UNC5D: variants seen among roughly 807,000 people sequenced by gnomAD.
The protein encoded by UNC5D is unc-5 netrin receptor D, also known as netrin receptor UNC5D.
A neutral mutation model predicts 105.4 loss-of-function variants in UNC5D; 39 were observed. That is an observed-to-expected ratio of 0.37 (90% CI 0.29 to 0.48). UNC5D has a LOEUF of 0.48. UNC5D is among the 20% of genes least tolerant of loss of function. The pLI is 0.98. For missense variants in UNC5D, 991 were observed against 1,202.4 expected, an observed-to-expected ratio of 0.82 and a Z score of 2.60; for synonymous variants, 452 against 450.4, an observed-to-expected ratio of 1.00 and a Z score of -0.04.
rs146967821 is a variant in UNC5D at position 35,255,560 on chromosome 8, G to T, written c.103+19673G>T. 95 of 152,140 alleles carry T rather than the reference G, an allele frequency of 6.2e-4. 1 individual carries two copies. The highest frequency in any genetic ancestry group is 2.2e-3 in the African/African-American group (90 of 41,506). The allele number at this position is 152,140 out of a possible 1,614,324, so 9.4% of individuals were successfully genotyped here. A position where few individuals can be genotyped will look rare whatever the true frequency, so the allele number is the denominator to read the frequency against. ...ATCTCCCAAAACAACTGAGAAGGCTGGTTTTTCTACTCCTGGTATGCTACC... is the reference window on the plus strand; with the variant it reads ...ATCTCCCAAAACAACTGAGAAGGCTTGTTTTTCTACTCCTGGTATGCTACC... On this transcript the variant is annotated intron_variant, in intron 1 of 16. Transcript: ENST00000404895.
At chr8:35,525,929 A>C (rs1813841106) in intron 1 of UNC5D, among the ~76,000 whole-genome samples, 1 of 152,228 alleles carries the variant, frequency 6.6e-6, no homozygotes, top group South Asian at 2.1e-4. Flanking sequence ...TAAAGAGTCT[A>C]CAAATATGGT....
intron 1 of UNC5D, among the ~76,000 whole-genome samples, chr8:35,307,476 T>C (rs932102891): frequency 6.6e-6 from 1 of 152,174 alleles, no homozygotes; most frequent in Non-Finnish European, 1.5e-5. Flanking sequence ...AGACAACTGC[T>C]GTTTGACTGG....
In UNC5D at chr8:35,302,352, G is replaced by A. The variant is rs112459365; in HGVS notation, c.103+66465G>A. Among the ~76,000 whole-genome samples the A allele has an allele frequency of 3.9e-3, 590 of 152,262 alleles. 6 individuals are homozygous for A. Among genetic ancestry groups the A allele is most frequent in the African/African-American group, 0.013 (556 of 41,566 alleles). ...ATGTCTCCCTTGTTATAAAAGGAGA[G>A]GGCTAAACCAAATACAACTGAAAAA... On this transcript the variant is annotated intron_variant, in intron 1 of 16. Coordinates refer to ENST00000404895, the MANE Select transcript of UNC5D (RefSeq NM_080872.4).
intron 1 of UNC5D, among the ~76,000 whole-genome samples, chr8:35,433,123 A>G (rs960217551): frequency 6.6e-6 from 1 of 152,156 alleles, no homozygotes; most frequent in Non-Finnish European, 1.5e-5. Context: ...ATTTTCATTG[A>G]CTATCTTTGC....
At chr8:35,399,434 GATATT>G (rs1285036747) in intron 1 of UNC5D, among the ~76,000 whole-genome samples, 2 of 151,934 alleles carry the variant, frequency 1.3e-5, no homozygotes, top group Admixed American at 6.6e-5. Flanking sequence ...TTGCTATTTT[GATATT>G]ATATTCTCTA....
chr8:35,528,403 T>C (rs1396077140), intron 1 of UNC5D, among the ~76,000 whole-genome samples: 1 of 150,942 alleles, frequency 6.6e-6, no homozygotes, highest in Non-Finnish European at 1.5e-5. Context: ...TGCATAGTAC[T>C]CTGTGGTGTA....
chr8:35,309,418 T>C (rs1210337565), intron 1 of UNC5D, among the ~76,000 whole-genome samples: 1 of 152,166 alleles, frequency 6.6e-6, no homozygotes. Context: ...GTGTATCCTA[T>C]GTCTCTCTCA....
intron 1 of UNC5D, among the ~76,000 whole-genome samples, chr8:35,310,717 C>A (rs1563302424): frequency 1.3e-5 from 2 of 152,024 alleles, no homozygotes; most frequent in Non-Finnish European, 2.9e-5. Flanking sequence ...CTGTCTTTTC[C>A]TGACCTTTCA....
chr8:35,616,603 C>G (rs1418990398), intron 4 of UNC5D, among the ~76,000 whole-genome samples: 1 of 152,154 alleles, frequency 6.6e-6, no homozygotes, highest in Non-Finnish European at 1.5e-5. Flanking sequence ...TTGAGCAGGC[C>G]TTGATGGGAT....
chr8:35,561,694 T>C (rs1030241927), intron 2 of UNC5D, among the ~76,000 whole-genome samples: 8 of 152,200 alleles, frequency 5.3e-5, no homozygotes, highest in Admixed American at 5.2e-4. Flanking sequence ...GATATTCTTA[T>C]AAGATGAGGA....
intron 1 of UNC5D, among the ~76,000 whole-genome samples, chr8:35,305,751 TTTC>T (rs1808356461): frequency 6.6e-6 from 1 of 150,536 alleles, no homozygotes; most frequent in Non-Finnish European, 1.5e-5. Flanking sequence ...TCTCTTTTTC[TTTC>T]TTTCTTCCTC....
At chr8:35,714,112 C>T (rs1419379693) in intron 8 of UNC5D, among the ~76,000 whole-genome samples, 1 of 152,068 alleles carries the variant, frequency 6.6e-6, no homozygotes, top group African/African-American at 2.4e-5. Flanking sequence ...TGGGATGTCT[C>T]CTTTTGAAAT....
chr8:35,252,117 G>A (rs1159414249), intron 1 of UNC5D, among the ~76,000 whole-genome samples: 3 of 151,334 alleles, frequency 2.0e-5, no homozygotes, highest in Admixed American at 2.0e-4. Context: ...TGCCCCACGG[G>A]GTTCACGCCA....
At chr8:35,384,085 G>A (rs1260095226) in intron 1 of UNC5D, among the ~76,000 whole-genome samples, 9 of 151,738 alleles carry the variant, frequency 5.9e-5, no homozygotes, top group African/African-American at 1.9e-4. Flanking sequence ...GCATGGTGGC[G>A]GGCACCTGTA....
chr8:35,575,005 C>A (rs755468441), intron 3 of UNC5D, among the ~76,000 whole-genome samples: 1 of 152,142 alleles, frequency 6.6e-6, no homozygotes, highest in Non-Finnish European at 1.5e-5. Context: ...ACTTGTTGAT[C>A]TCAGCAGCCT....
intron 16 of UNC5D, among the ~76,000 whole-genome samples, chr8:35,775,946 A>G (rs972425271): frequency 2.6e-5 from 4 of 152,248 alleles, no homozygotes; most frequent in African/African-American, 9.6e-5. Context: ...AGAAACAAAA[A>G]TGTATGAGTG....
At chr8:35,487,728 A>C (rs766349767) in intron 1 of UNC5D, among the ~76,000 whole-genome samples, 1 of 152,184 alleles carries the variant, frequency 6.6e-6, no homozygotes, top group Non-Finnish European at 1.5e-5. Flanking sequence ...ATATAGGTAG[A>C]AAGAGTTTTA....
chr8:35,497,483 C>A (rs905304373), intron 1 of UNC5D, among the ~76,000 whole-genome samples: 1 of 152,130 alleles, frequency 6.6e-6, no homozygotes, highest in Non-Finnish European at 1.5e-5. Flanking sequence ...AATTTGAAAC[C>A]TGATGGTTTC....
chr8:35,253,210 G>T (rs1803831538), intron 1 of UNC5D, among the ~76,000 whole-genome samples: 1 of 151,904 alleles, frequency 6.6e-6, no homozygotes, highest in South Asian at 2.1e-4. Flanking sequence ...CTTGTTTTAG[G>T]TATCTTCTGA....
Sources: allele counts gnomAD v4.1 joint callset (sites outside exome capture counted in the v4.1 genomes callset), GRCh38; gene constraint gnomAD v4.1.1; transcripts MANE v1.5; gene names NCBI Gene and HGNC (gene_info 2026-07-23, HGNC 2026-07-21).